The following MEGF6 variants were observed in gnomAD, a reference collection of about 807,000 sequenced individuals.
MEGF6 encodes the protein multiple EGF like domains 6.
MEGF6 carries 184 observed loss-of-function variants against 207.1 expected under a neutral mutation model. That is an observed-to-expected ratio of 0.89 (90% confidence interval 0.79 to 1.00). MEGF6 has a LOEUF of 1.00. Ranked by LOEUF, MEGF6 falls within the 50% of genes least tolerant of loss-of-function variation. MEGF6 has a pLI of 0.00. For missense variants in MEGF6, 2,282 were observed against 2,202.9 expected (o/e 1.04, Z -0.72); for synonymous variants, 1,038 against 910.0 (o/e 1.14, Z -2.53).
chr1:3,496,095 C>A, intron 29 of MEGF6, 77 bp from the exon 30 acceptor site: 2 of 1,441,790 alleles, frequency 1.4e-6, no homozygotes, highest in Non-Finnish European at 9.1e-7. Context: ...GGGGATAGGA[C>A]AGGATGGGAT....
chr1:3,496,946 G>C, intron 28 of MEGF6, 42 bp downstream of exon 28: 1 of 1,541,934 alleles, frequency 6.5e-7, no homozygotes, highest in Admixed American at 2.0e-5. Flanking sequence ...AGCACGCCAG[G>C]CAGCACTGCC....
At chr1:3,623,030 C>T in the MEGF6 span, among the ~76,000 whole-genome samples, 8 of 152,210 alleles carry the variant, frequency 5.3e-5, no homozygotes, top group Non-Finnish European at 1.2e-4. Context: ...TCTGCAGCCT[C>T]GGCCCCAGCC....
chr1:3,562,674 C>T (rs551760176), intron 4 of MEGF6, among the ~76,000 whole-genome samples: 16 of 152,366 alleles, frequency 1.1e-4, no homozygotes, highest in Admixed American at 8.5e-4. Context: ...TTGCTGGGAA[C>T]CCCCCAGGTC....
rs923008667 is a variant in MEGF6, at chr1:3,565,925, C to T, written c.481+13900G>A. Among the ~76,000 whole-genome samples, 2 of 152,170 alleles carry T rather than the reference C, an allele frequency of 1.3e-5. No homozygotes were observed. Among genetic ancestry groups the T allele is most frequent in the Non-Finnish European group, 2.9e-5 (2 of 67,996 alleles). On this transcript the variant is annotated intron_variant, in intron 4 of 36. Coordinates refer to ENST00000356575, the MANE Select transcript of MEGF6 (RefSeq NM_001409.4). The surrounding 1 kb of genome is among the most constrained non-coding windows in gnomAD (Gnocchi z 4.8). The stretch of plus-strand genomic sequence containing the variant: ...GCAGTGGGGATCCAGCTTCCTCCTC[C>T]CTGAGACCTCAGGGTCAGCTGCTAT...
At position 3,510,890 on chromosome 1, in the gene MEGF6, C is replaced by T. The variant is rs762085111; in HGVS notation, c.1127G>A (p.Cys376Tyr). ...DQRTCIDVDD[C>Y]ADSPCCQQVC... ...CTGCTGGCAGCACGGGCTGTCTGCA[C>T]AGTCGTCGACATCTGTGGAGCACAC... Residue 376 changes from cysteine to tyrosine, a missense_variant, in exon 10 of 37, where the codon TGT (cysteine) becomes TAT (tyrosine). Cys to Tyr is a radical substitution (Grantham distance 194). Coordinates refer to ENST00000356575, the MANE Select transcript of MEGF6 (RefSeq NM_001409.4). 4 of 1,606,076 alleles carry T rather than the reference C, an allele frequency of 2.5e-6. No homozygotes were observed. Among genetic ancestry groups the T allele is most frequent in the African/African-American group, 2.7e-5 (2 of 74,842 alleles).
intron 4 of MEGF6, among the ~76,000 whole-genome samples, chr1:3,549,256 G>T (rs576391852): frequency 2.0e-5 from 3 of 152,234 alleles, no homozygotes; most frequent in African/African-American, 7.2e-5. Context: ...CAGGTGGACC[G>T]GCCACCAGGA....
At chr1:3,609,367 T>G (rs1644295339) in intron 1 of MEGF6, among the ~76,000 whole-genome samples, 1 of 152,202 alleles carries the variant, frequency 6.6e-6, no homozygotes, top group Non-Finnish European at 1.5e-5. Context: ...CACTGCGGCC[T>G]GGCTGCACGT....
intron 26 of MEGF6, chr1:3,497,647 G>C (rs1483145370): frequency 1.6e-6 from 1 of 608,308 alleles, no homozygotes. Flanking sequence ...AGATAGGGCT[G>C]AGAGCTCAGC....
At chr1:3,530,697 G>A (rs1004353516) in intron 4 of MEGF6, among the ~76,000 whole-genome samples, 47 of 152,328 alleles carry the variant, frequency 3.1e-4, no homozygotes, top group African/African-American at 9.1e-4. Flanking sequence ...TGGAGACCCC[G>A]GAGACTCAGC....
chr1:3,609,012 G>C (rs1570256018), intron 1 of MEGF6, among the ~76,000 whole-genome samples: 1 of 152,226 alleles, frequency 6.6e-6, no homozygotes, highest in Non-Finnish European at 1.5e-5. Flanking sequence ...GAGGTTGGCA[G>C]TAACGCTTCA....
At chr1:3,525,386 C>G (rs1225368239) in intron 4 of MEGF6, among the ~76,000 whole-genome samples, 1 of 152,228 alleles carries the variant, frequency 6.6e-6, no homozygotes, top group Admixed American at 6.5e-5. Context: ...CCTGAGGCCT[C>G]TCCCCGCATC....
In MEGF6 at chr1:3,508,548, G is replaced by A; in HGVS notation, c.1660+10C>T. On this transcript the variant is annotated intron_variant, in intron 13 of 36. Coordinates refer to ENST00000356575, the MANE Select transcript of MEGF6 (RefSeq NM_001409.4). ...CTTCCCAGCCCCCAGCCCCTGCCCA[G>A]CTGCCTCACTCTCATTGCAGATGAG... 5 of 1,610,200 alleles carry A rather than the reference G, an allele frequency of 3.1e-6. No homozygotes were observed. The highest frequency in any genetic ancestry group is 4.2e-6 in the Non-Finnish European group (5 of 1,178,000).
chr1:3,553,074 C>T (rs559941288), intron 4 of MEGF6, among the ~76,000 whole-genome samples: 29 of 152,296 alleles, frequency 1.9e-4, no homozygotes, highest in African/African-American at 6.3e-4. Flanking sequence ...AAAGGTAACG[C>T]ACAGCCCTGT....
chr1:3,589,328 T>C lies in MEGF6; in HGVS notation c.376+6010A>G, dbSNP rs559197051. Reference sequence around the variant, plus strand: ...CACATTGGTTTCAGTGCTTGGCTCGTGGTCCCTCGCTGCAGCAGCCCCGGG... The same window carrying C: ...CACATTGGTTTCAGTGCTTGGCTCGCGGTCCCTCGCTGCAGCAGCCCCGGG... On this transcript the variant is annotated intron_variant, in intron 3 of 36. Transcript: ENST00000356575. Among the ~76,000 whole-genome samples, 5 of 152,280 alleles carry C rather than the reference T, an allele frequency of 3.3e-5. No homozygotes were observed. The South Asian group carries it at 1.0e-3, about 32-fold the overall frequency.
In MEGF6 at chr1:3,515,545, A is replaced by AC. The variant is rs1441996619; in HGVS notation, c.605-19dup. 1 of 1,605,108 alleles carries AC rather than the reference A, an allele frequency of 6.2e-7. No individual in the cohort carries two copies. The highest frequency in any genetic ancestry group is 2.2e-5 in the East Asian group (1 of 44,608). Reference sequence around the variant, plus strand: ...GTTAATGGCTGGGGACACAGGGAGGACCCCAAGTCAGCCCAAGAGGATGCC... The same window carrying AC: ...GTTAATGGCTGGGGACACAGGGAGGACCCCCAAGTCAGCCCAAGAGGATGCC... On this transcript the variant is annotated intron_variant, in intron 5 of 36. Coordinates refer to ENST00000356575, the MANE Select transcript of MEGF6 (RefSeq NM_001409.4).
intron 3 of MEGF6, among the ~76,000 whole-genome samples, chr1:3,592,205 C>T (rs995073061): frequency 2.4e-4 from 36 of 152,206 alleles, no homozygotes; most frequent in Non-Finnish European, 4.3e-4. Flanking sequence ...CTGCAGGTCC[C>T]GGCGTGCAGC....
chr1:3,498,948 G>A, intron 24 of MEGF6, 122 bp from the exon 25 acceptor site: 4 of 1,429,464 alleles, frequency 2.8e-6, no homozygotes, highest in Non-Finnish European at 3.8e-6. Context: ...GCTGCCCCTA[G>A]GATGACCTGC....
intron 26 of MEGF6, chr1:3,497,757 C>T (rs1422017105): frequency 1.6e-5 from 6 of 366,856 alleles, no homozygotes; most frequent in African/African-American, 8.8e-5. Flanking sequence ...TGAGGCCAGC[C>T]GAGTGCCCAG....
At chr1:3,549,471 G>A (rs1642817778) in intron 4 of MEGF6, among the ~76,000 whole-genome samples, 1 of 152,218 alleles carries the variant, frequency 6.6e-6, no homozygotes. Context: ...GGACCGGGGT[G>A]TTCAGGGCTC....
Sources: gnomAD v4.1 joint callset for allele counts (sites outside exome capture counted in the v4.1 genomes callset) on GRCh38, gnomAD v4.1.1 for gene constraint, Gnocchi (gnomAD v3.1) non-coding constraint, MANE v1.5 for transcripts, NCBI Gene and HGNC (gene_info 2026-07-23, HGNC 2026-07-21) for gene names.